NPEPPS: variants seen among roughly 807,000 people sequenced by gnomAD.
NPEPPS encodes the protein puromycin-sensitive aminopeptidase.
In NPEPPS, 14 loss-of-function variants were observed where a neutral mutation model predicts 115.5. The observed-to-expected ratio is 0.12, with a 90% CI of 0.08 to 0.19. The LOEUF is 0.19. NPEPPS is among the 10% of genes least tolerant of loss of function. The pLI, the probability that NPEPPS is intolerant of heterozygous loss-of-function variation, is 1.00. For missense variants in NPEPPS, 523 were observed against 1,110.8 expected (o/e 0.47, Z 7.52); for synonymous variants, 285 against 390.6 (o/e 0.73, Z 3.19).
rs766339983 is a variant in NPEPPS at position 47,621,943 on chromosome 17, G to A, written c.*23G>A. ...TGAATCCTGAGGTGCCGCCATTGGC[G>A]GTTCTGCTGCTTCGCTGCAGGGATA... is the stretch of plus-strand genomic sequence containing the variant. On this transcript the variant is annotated 3_prime_UTR_variant, in exon 23 of 23. Transcript: ENST00000322157. The A allele has an allele frequency of 3.8e-6, 6 of 1,594,142 alleles. No homozygotes were observed. The highest frequency in any genetic ancestry group is 1.3e-5 in the African/African-American group (1 of 74,588).
At chr17:47,560,209 A>G (rs2143770652) in intron 2 of NPEPPS, among the ~76,000 whole-genome samples, 1 of 152,204 alleles carries the variant, frequency 6.6e-6, no homozygotes, top group East Asian at 1.9e-4. Context: ...CCCAAAATAA[A>G]GTCCTTTAAA....
intron 1 of NPEPPS, among the ~76,000 whole-genome samples, chr17:47,540,572 T>G (rs1439402766): frequency 6.6e-6 from 1 of 152,236 alleles, no homozygotes; most frequent in African/African-American, 2.4e-5. Flanking sequence ...TATTTTAAAT[T>G]ACCTTCTTGG....
At chr17:47,547,547 G>T (rs10432035) in intron 2 of NPEPPS, among the ~76,000 whole-genome samples, 1 of 151,460 alleles carries the variant, frequency 6.6e-6, no homozygotes, top group Admixed American at 6.6e-5. Context: ...GATATGGGGG[G>T]GTGGTCTTCC....
At chr17:47,550,150 G>GTC (rs1429493339) in intron 2 of NPEPPS, among the ~76,000 whole-genome samples, 1 of 151,886 alleles carries the variant, frequency 6.6e-6, no homozygotes, top group Non-Finnish European at 1.5e-5. Flanking sequence ...AGCCAGGATG[G>GTC]TCTCTATCTC....
At chr17:47,564,162 C>T (rs7210472) in intron 2 of NPEPPS, among the ~76,000 whole-genome samples, 77,057 of 151,554 alleles carry the variant, frequency 0.51, 20,144 homozygotes, top group East Asian at 0.66. Context: ...CCTCAAGTGA[C>T]CCTCCCACCT....
At chr17:47,590,683 ATTTTCT>A in intron 9 of NPEPPS, 28 bp from the exon 10 acceptor site, 1 of 1,595,678 alleles carries the variant, frequency 6.3e-7, no homozygotes, top group Non-Finnish European at 8.6e-7. Flanking sequence ...CAATCATTTC[ATTTTCT>A]TTAAGTATTT....
At chr17:47,547,381 C>CT (rs1909291087) in intron 2 of NPEPPS, among the ~76,000 whole-genome samples, 2 of 151,120 alleles carry the variant, frequency 1.3e-5, no homozygotes, top group African/African-American at 2.4e-5. Flanking sequence ...GAGTCTCGCT[C>CT]TGTCACCCAG....
At chr17:47,608,788 T>C (rs1913672926) in intron 17 of NPEPPS, among the ~76,000 whole-genome samples, 1 of 152,070 alleles carries the variant, frequency 6.6e-6, no homozygotes, top group Non-Finnish European at 1.5e-5. Flanking sequence ...TTTAAATAAA[T>C]AGTAGATGAA....
chr17:47,572,421 A>G (rs1175965814), intron 3 of NPEPPS, among the ~76,000 whole-genome samples: 1 of 152,088 alleles, frequency 6.6e-6, no homozygotes, highest in Non-Finnish European at 1.5e-5. Flanking sequence ...AAGCAAAATT[A>G]TAAGTATAAT....
intron 3 of NPEPPS, among the ~76,000 whole-genome samples, chr17:47,575,754 G>T (rs1390806448): frequency 6.6e-6 from 1 of 151,856 alleles, no homozygotes; most frequent in Non-Finnish European, 1.5e-5. Context: ...ACAGGTGCCT[G>T]CCACCACGCC....
intron 2 of NPEPPS, among the ~76,000 whole-genome samples, chr17:47,559,160 C>A (rs1476263346): frequency 6.6e-6 from 1 of 152,136 alleles, no homozygotes; most frequent in Non-Finnish European, 1.5e-5. Context: ...CTTCCCACCT[C>A]AGCCTCCTGA....
At chr17:47,610,845 CTTTTTTTTTTTTTTTT>C (rs59893483) in intron 17 of NPEPPS, among the ~76,000 whole-genome samples, 15 of 100,120 alleles carry the variant, frequency 1.5e-4, no homozygotes, top group Non-Finnish European at 2.7e-4. Flanking sequence ...TATGATGACT[CTTTTTTTTTTTTTTTT>C]TTTTTTTTTT....
rs1369782924 is a variant in NPEPPS at position 47,622,787 on chromosome 17, C to G, written c.*867C>G. ...GGTGAGACAATAGAAATAAAAAGAT[C>G]TTCAGCCAGGCCTTTCTGAAGGAGT... On this transcript the variant is annotated 3_prime_UTR_variant, in exon 23 of 23. Coordinates refer to ENST00000322157, the MANE Select transcript of NPEPPS (RefSeq NM_006310.4). The G allele has an allele frequency of 7.0e-6, 3 of 429,696 alleles. No individual in the cohort carries two copies. In the Admixed American group the frequency reaches 8.8e-5, roughly 13 times the overall value. The allele number at this position is 429,696 out of a possible 1,614,324, so 26.6% of individuals were successfully genotyped here. A position where few individuals can be genotyped will look rare whatever the true frequency, so the allele number is the denominator to read the frequency against.
chr17:47,535,664 G>A (rs1387591814), intron 1 of NPEPPS, among the ~76,000 whole-genome samples: 2 of 149,276 alleles, frequency 1.3e-5, no homozygotes, highest in Non-Finnish European at 3.0e-5. Flanking sequence ...TTCATTCCCT[G>A]TCCCCTCCCT....
At position 47,546,043 on chromosome 17, in the gene NPEPPS, G is replaced by GGGGTGTGTGT. The variant is rs1555603815; in HGVS notation, c.340+51_340+52insGGTGTGTGTG. 27 of 1,213,804 alleles carry GGGGTGTGTGT rather than the reference G, an allele frequency of 2.2e-5. No individual in the cohort carries two copies. In the African/African-American group the frequency reaches 4.0e-4, roughly 18 times the overall value. The allele number at this position is 1,213,804 out of a possible 1,614,324, so 75.2% of individuals were successfully genotyped here. A position where few individuals can be genotyped will look rare whatever the true frequency, so the allele number is the denominator to read the frequency against. ...TTGCTGTCTGCATGTGCATATGTGG[G>GGGGTGTGTGT]GTGTGTGTGTGTGTGTGTGTGTGTG... On this transcript the variant is annotated intron_variant, in intron 2 of 22. Transcript: ENST00000322157.
chr17:47,608,223 G>A (rs907061335), intron 17 of NPEPPS, among the ~76,000 whole-genome samples: 2 of 152,178 alleles, frequency 1.3e-5, no homozygotes, highest in Non-Finnish European at 2.9e-5. Flanking sequence ...GGAAGGCTGA[G>A]GGGGGTGGAA....
intron 3 of NPEPPS, among the ~76,000 whole-genome samples, chr17:47,569,787 T>G (rs1345299038): frequency 6.6e-6 from 1 of 152,126 alleles, no homozygotes; most frequent in African/African-American, 2.4e-5. Flanking sequence ...CGGCTAATTT[T>G]TTTGTATTTT....
chr17:47,568,120 C>G (rs1209746000), intron 2 of NPEPPS, among the ~76,000 whole-genome samples: 7 of 151,868 alleles, frequency 4.6e-5, no homozygotes, highest in African/African-American at 1.5e-4. Context: ...TTCCCATTAG[C>G]AATATATGCT....
intron 20 of NPEPPS, 118 bp downstream of exon 20, chr17:47,618,575 A>C (rs1435544462): frequency 1.5e-6 from 1 of 672,938 alleles, no homozygotes; most frequent in Non-Finnish European, 2.6e-6. Flanking sequence ...TTCCTTTTCC[A>C]GAGTAACTGG....
Sources: allele counts gnomAD v4.1 joint callset (sites outside exome capture counted in the v4.1 genomes callset), GRCh38; gene constraint gnomAD v4.1.1; transcripts MANE v1.5; gene names NCBI Gene and HGNC (gene_info 2026-07-23, HGNC 2026-07-21).